Variants in SANBR observed in about 807,000 individuals in gnomAD.
SANBR encodes the protein SANT and BTB domain regulator of class switch recombination.
In SANBR, 77 loss-of-function variants were observed where a neutral mutation model predicts 101.8. That is an observed-to-expected ratio of 0.76 (90% CI 0.63 to 0.91). The LOEUF (loss-of-function observed/expected upper bound fraction) is 0.91, where lower values mean the gene tolerates loss of function less well. Ranked by LOEUF, SANBR falls within the 40% of genes least tolerant of loss-of-function variation. The pLI is 0.00. For missense variants in SANBR, 875 were observed against 853.0 expected (o/e 1.03, Z -0.32); for synonymous variants, 279 against 274.7 (o/e 1.02, Z -0.15).
At chr2:61,108,262 G>A in intron 14 of SANBR, 55 bp from the exon 15 acceptor site, 1 of 1,097,664 alleles carries the variant, frequency 9.1e-7, no homozygotes. Context: ...ATCAAAATAA[G>A]GAGCTGCAAT....
intron 5 of SANBR, among the ~76,000 whole-genome samples, chr2:61,076,244 C>T (rs1190519313): frequency 6.6e-6 from 1 of 150,904 alleles, no homozygotes; most frequent in African/African-American, 2.4e-5. Flanking sequence ...CCACCCGCCT[C>T]AGCCTCCCAA....
In SANBR at chr2:61,122,491, T is replaced by A; in HGVS notation, c.*329T>A. 9.6e-7 allele frequency: 1 copy of A among 1,041,596 alleles called. No individual in the cohort carries two copies. The highest frequency in any genetic ancestry group is 1.2e-6 in the Non-Finnish European group (1 of 866,850). 64.5% of individuals were successfully genotyped at this position (1,041,596 alleles called of 1,614,324 possible). The stretch of plus-strand genomic sequence containing the variant: ...GGCCTAAACTGTCAGGTAGCCAAGT[T>A]TTTTTAAGACCTTAAAAGTTAGGGG... On this transcript the variant is annotated 3_prime_UTR_variant, in exon 22 of 22. Transcript: ENST00000402291.
intron 6 of SANBR, 105 bp downstream of exon 6, chr2:61,077,263 T>C: frequency 1.3e-6 from 1 of 762,370 alleles, no homozygotes; most frequent in Admixed American, 2.1e-5. Flanking sequence ...CACCGGTGTT[T>C]ATGCTCATAT....
chr2:61,087,829 C>T (rs1170899042), intron 8 of SANBR, among the ~76,000 whole-genome samples: 3 of 148,878 alleles, frequency 2.0e-5, no homozygotes, highest in East Asian at 2.0e-4. Context: ...CCAGCCTGGG[C>T]GACAGAGTGA....
At position 61,134,146 on chromosome 2, in the gene SANBR, CTG is replaced by C. The variant is rs1452970003; in HGVS notation, c.2039_2040del (p.Leu680GlnfsTer9). ...ATCTGCTTTTTTACAGACAGACAAA[CTG>C]AGACCCAGAGACGGCACTGTGTCTA... is the stretch of plus-strand genomic sequence containing the variant. On this transcript the variant is annotated frameshift_variant, in exon 21 of 22. Transcript: ENST00000295031. LOFTEE classifies it high-confidence loss of function. The C allele has an allele frequency of 1.2e-6, 2 of 1,614,092 alleles. No individual in the cohort carries two copies. Among genetic ancestry groups the C allele is most frequent in the Non-Finnish European group, 1.7e-6 (2 of 1,180,012 alleles).
chr2:61,127,467 G>C (rs1573679837), downstream of SANBR, among the ~76,000 whole-genome samples: 3 of 152,324 alleles, frequency 2.0e-5, no homozygotes, highest in East Asian at 5.8e-4. Flanking sequence ...GAGCAGACTA[G>C]AAAGTTAAAT....
intron 20 of SANBR, among the ~76,000 whole-genome samples, chr2:61,130,641 A>AATT (rs1684658531): frequency 1.3e-5 from 2 of 150,922 alleles, no homozygotes; most frequent in African/African-American, 4.9e-5. Flanking sequence ...GTATCAATAT[A>AATT]GTTTTTTTTT....
intron 8 of SANBR, among the ~76,000 whole-genome samples, chr2:61,087,026 T>C (rs1682468962): frequency 6.6e-6 from 1 of 152,206 alleles, no homozygotes; most frequent in South Asian, 2.1e-4. Flanking sequence ...AGTTCAGTTA[T>C]ATTATGCATA....
intron 4 of SANBR, among the ~76,000 whole-genome samples, chr2:61,072,605 A>G (rs1681533786): frequency 6.6e-6 from 1 of 152,064 alleles, no homozygotes. Flanking sequence ...TTTAAAAATA[A>G]ATTTTTAAAT....
chr2:61,070,408 T>C lies in SANBR; in HGVS notation c.58T>C (p.Leu20=). 1 of 1,601,986 alleles carries C rather than the reference T, an allele frequency of 6.2e-7. No individual in the cohort carries two copies. Among genetic ancestry groups the C allele is most frequent in the East Asian group, 2.3e-5 (1 of 43,820 alleles). The change falls in exon 3 of 22, where the codon TTG becomes CTG. Residue 20 remains leucine, a synonymous_variant. Coordinates refer to ENST00000402291, the MANE Select transcript of SANBR (RefSeq NM_001129993.3). The part of the protein sequence containing the change: ...NFLNNNNQMV[L]DMILYPLIGI... ...CCTGAACAATAATAACCAAATGGTATTGGACATGATCCTTTATCCATTAAT... is the reference window on the plus strand; with the variant it reads ...CCTGAACAATAATAACCAAATGGTACTGGACATGATCCTTTATCCATTAAT...
At chr2:61,135,521 G>C (rs1684815684) in intron 21 of SANBR, among the ~76,000 whole-genome samples, 1 of 152,152 alleles carries the variant, frequency 6.6e-6, no homozygotes, top group South Asian at 2.1e-4. Context: ...TGACTCTGTT[G>C]TGCAGACAGG....
At position 61,083,277 on chromosome 2, in the gene SANBR, G is replaced by T. The variant is rs1682238430; in HGVS notation, c.853G>T (p.Val285Phe). ...RIADLFSHNE[V>F]DDLKDKKDKF... Reference sequence around the variant, plus strand: ...AGCTGATCTGTTCTCACACAATGAAGTTGATGATTTAAAGGACAAAAAAGA... The same window carrying T: ...AGCTGATCTGTTCTCACACAATGAATTTGATGATTTAAAGGACAAAAAAGA... Residue 285 changes from valine to phenylalanine, a missense_variant, in exon 8 of 22, where the codon GTT becomes TTT. By Grantham distance (50) the Val-to-Phe change is conservative (BLOSUM62 -1). Coordinates refer to ENST00000402291, the MANE Select transcript of SANBR (RefSeq NM_001129993.3). The T allele has an allele frequency of 6.2e-7, 1 of 1,609,220 alleles. No homozygotes were observed. The highest frequency in any genetic ancestry group is 1.7e-5 in the Admixed American group (1 of 59,742).
intron 16 of SANBR, among the ~76,000 whole-genome samples, chr2:61,114,198 A>G (rs1205133735): frequency 6.6e-6 from 1 of 152,206 alleles, no homozygotes; most frequent in East Asian, 1.9e-4. Context: ...TCTGGCTGAG[A>G]GTCTGGGCCG....
At chr2:61,085,992 T>C (rs1192975476) in intron 8 of SANBR, among the ~76,000 whole-genome samples, 1 of 152,316 alleles carries the variant, frequency 6.6e-6, no homozygotes, top group African/African-American at 2.4e-5. Context: ...CCTGCTAGAA[T>C]TTGGGATTCA....
chr2:61,119,004 C>T (rs950213107), intron 20 of SANBR, among the ~76,000 whole-genome samples: 3 of 152,184 alleles, frequency 2.0e-5, no homozygotes, highest in Non-Finnish European at 1.5e-5. Context: ...TGTCATCACA[C>T]CAAGAGTAGG....
chr2:61,081,391 C>T (rs1682116192), intron 6 of SANBR, 61 bp from the exon 7 acceptor site: 3 of 1,476,808 alleles, frequency 2.0e-6, no homozygotes, highest in African/African-American at 1.5e-5. Context: ...TAAGAAGGAG[C>T]CTGTTCAGAG....
chr2:61,113,968 AT>A (rs1238723243), intron 16 of SANBR, among the ~76,000 whole-genome samples: 1 of 152,150 alleles, frequency 6.6e-6, no homozygotes, highest in Non-Finnish European at 1.5e-5. Context: ...ATTTTATCAC[AT>A]GCTTTTTCTC....
At chr2:61,096,721 A>T (rs1683048565) in intron 11 of SANBR, among the ~76,000 whole-genome samples, 1 of 152,080 alleles carries the variant, frequency 6.6e-6, no homozygotes, top group South Asian at 2.1e-4. Flanking sequence ...GTCCTATTTT[A>T]CTAACTTATA....
chr2:61,078,166 A>G (rs1311877752), intron 6 of SANBR, among the ~76,000 whole-genome samples: 1 of 152,236 alleles, frequency 6.6e-6, no homozygotes, highest in Non-Finnish European at 1.5e-5. Flanking sequence ...AATACATTTT[A>G]TTTTCAAAAA....
Sources: gnomAD v4.1 joint callset for allele counts (sites outside exome capture counted in the v4.1 genomes callset) on GRCh38, gnomAD v4.1.1 for gene constraint, MANE v1.5 for transcripts, NCBI Gene and HGNC (gene_info 2026-07-23, HGNC 2026-07-21) for gene names.